Variants in RAD23B observed in about 807,000 individuals in gnomAD.
RAD23B encodes the protein RAD23 nucleotide excision repair protein B.
A neutral mutation model predicts 49.1 loss-of-function variants in RAD23B; 5 were observed. The ratio of observed to expected loss-of-function variants is 0.10; its 90% CI spans 0.05 to 0.21. The LOEUF (loss-of-function observed/expected upper bound fraction) is 0.21, where lower values mean the gene tolerates loss of function less well. Among genes scored for constraint, RAD23B ranks in the 10% least tolerant of loss-of-function variants. The probability of loss-of-function intolerance (pLI) is 1.00; values close to 1 mark genes in which losing one functional copy is unlikely to be tolerated. For synonymous variants in RAD23B, 184 were observed against 165.4 expected (o/e 1.11, Z -0.86); for missense variants, 356 against 486.7 (o/e 0.73, Z 2.53).
At chr9:107,292,251 C>T (rs1833397169) in intron 1 of RAD23B, among the ~76,000 whole-genome samples, 1 of 152,096 alleles carries the variant, frequency 6.6e-6, no homozygotes, top group Non-Finnish European at 1.5e-5. Flanking sequence ...GGGTGGTTTT[C>T]AGTTTTTAGT....
intron 1 of RAD23B, among the ~76,000 whole-genome samples, 171 bp from the exon 2 acceptor site, chr9:107,299,970 A>T (rs767414134): frequency 2.0e-5 from 3 of 152,174 alleles, no homozygotes; most frequent in Non-Finnish European, 2.9e-5. Flanking sequence ...AACTAGTAAT[A>T]TGAGTTAATG....
At chr9:107,302,155 G>A (rs1295921142) in intron 3 of RAD23B, 41 bp downstream of exon 3, 4 of 1,606,754 alleles carry the variant, frequency 2.5e-6, no homozygotes, top group South Asian at 1.1e-5. Context: ...ATGCATGTAG[G>A]TCTTTTTAAA....
At chr9:107,302,137 A>AT in intron 3 of RAD23B, 23 bp downstream of exon 3, 2 of 1,610,666 alleles carry the variant, frequency 1.2e-6, no homozygotes, top group Non-Finnish European at 1.7e-6. Flanking sequence ...CTCATTCTGT[A>AT]TATCTTTATG....
At position 107,303,561 on chromosome 9, in the gene RAD23B, G is replaced by A. The variant is rs73515794; in HGVS notation, c.228+1447G>A. On this transcript the variant is annotated intron_variant, in intron 3 of 9. Coordinates refer to ENST00000358015, the MANE Select transcript of RAD23B (RefSeq NM_002874.5). ...CAAACTTCCAGTTTAATCATTTTAA[G>A]TGTACAGTTCAATAACATTATAGTT... Among the ~76,000 whole-genome samples, 338 of 152,206 alleles carry A rather than the reference G, an allele frequency of 2.2e-3. 2 individuals are homozygous for A. The highest frequency in any genetic ancestry group is 7.7e-3 in the African/African-American group (320 of 41,534).
At chr9:107,286,868 C>T (rs935382677) in intron 1 of RAD23B, among the ~76,000 whole-genome samples, 9 of 151,804 alleles carry the variant, frequency 5.9e-5, no homozygotes, top group African/African-American at 1.2e-4. Context: ...GTCAGGAGAT[C>T]GAGACCATCC....
At position 107,300,033 on chromosome 9, in the gene RAD23B, A is replaced by G. The variant is rs1826615426; in HGVS notation, c.67-108A>G. On this transcript the variant is annotated intron_variant, in intron 1 of 9. Coordinates refer to ENST00000358015, the MANE Select transcript of RAD23B (RefSeq NM_002874.5). ...AAACATAATATTTGAGGTTTTGGAA[A>G]CATTAATAATTATGTATATAATTTT... 4.5e-6 allele frequency: 6 copies of G among 1,335,450 alleles called. No homozygotes were observed. In the South Asian group the frequency reaches 9.2e-5, roughly 21 times the overall value. The allele number at this position is 1,335,450 out of a possible 1,614,324, so 82.7% of individuals were successfully genotyped here.
chr9:107,309,485 G>A (rs1055546831), intron 4 of RAD23B, among the ~76,000 whole-genome samples: 14 of 152,188 alleles, frequency 9.2e-5, no homozygotes, highest in Admixed American at 2.6e-4. Context: ...ATGTGTAGAA[G>A]AAAAGAAGGC....
Position 107,302,845 on chromosome 9 carries a change from A to G in RAD23B, c.228+731A>G, listed in dbSNP as rs556432642. ...TAATTTTTTTGTATTTTTAGTAGAG[A>G]CAGGGTTTCACCGTGTTAGCCAGGA... On this transcript the variant is annotated intron_variant, in intron 3 of 9. Coordinates refer to ENST00000358015, the MANE Select transcript of RAD23B (RefSeq NM_002874.5). 3.3e-5 allele frequency among the ~76,000 whole-genome samples: 5 copies of G among 151,994 alleles called. 1 individual carries two copies. The highest frequency in any genetic ancestry group is 9.6e-5 in the African/African-American group (4 of 41,480).
rs1354224112 is a variant in RAD23B at position 107,302,813 on chromosome 9, G to A, written c.228+699G>A. On this transcript the variant is annotated intron_variant, in intron 3 of 9. Transcript: ENST00000358015. ...TGGGACTACAGGCGCATGCCACCAC[G>A]CCCGGCTAATTTTTTTGTATTTTTA... Among the ~76,000 whole-genome samples the A allele has an allele frequency of 1.1e-4, 16 of 152,020 alleles. No individual in the cohort carries two copies. In the East Asian group the frequency reaches 1.4e-3, roughly 13 times the overall value.
rs11573623 is a variant in RAD23B at position 107,289,562 on chromosome 9, A to G, written c.66+5867A>G. Among the ~76,000 whole-genome samples the G allele has an allele frequency of 9.8e-4, 149 of 152,190 alleles. 1 individual carries two copies. The highest frequency in any genetic ancestry group is 3.5e-3 in the African/African-American group (147 of 41,534). ...GGCAAGAGTGAAAAGCAGAGACATC[A>G]GTTAGGGGGCTTGTGCAGTAGTTTT... On this transcript the variant is annotated intron_variant, in intron 1 of 9. Transcript: ENST00000358015.
At chr9:107,288,041 A>G (rs530638116) in intron 1 of RAD23B, among the ~76,000 whole-genome samples, 16 of 152,314 alleles carry the variant, frequency 1.1e-4, no homozygotes, top group African/African-American at 3.1e-4. Flanking sequence ...TAAAAATACT[A>G]TATCACAGAG....
intron 1 of RAD23B, among the ~76,000 whole-genome samples, chr9:107,291,844 T>C (rs1391690415): frequency 1.3e-5 from 2 of 152,376 alleles, no homozygotes; most frequent in East Asian, 3.9e-4. Flanking sequence ...CAAAATTTAA[T>C]TGCTGCTATT....
chr9:107,297,706 CTT>C (rs370317056), intron 1 of RAD23B, among the ~76,000 whole-genome samples: 9,762 of 131,894 alleles, frequency 0.074, 366 homozygotes, highest in African/African-American at 0.11. Flanking sequence ...ACTAAAGGGC[CTT>C]TTTTTTTTTT....
At chr9:107,310,627 C>T (rs966340312) in intron 4 of RAD23B, among the ~76,000 whole-genome samples, 64 of 152,112 alleles carry the variant, frequency 4.2e-4, no homozygotes, top group African/African-American at 1.4e-3. Flanking sequence ...ATGTATTGTG[C>T]GTTTTGAAAT....
intron 1 of RAD23B, among the ~76,000 whole-genome samples, chr9:107,288,027 G>A (rs1163925452): frequency 6.6e-6 from 1 of 152,086 alleles, no homozygotes; most frequent in Non-Finnish European, 1.5e-5. Flanking sequence ...AGTAGTAAAT[G>A]TATTAAAAAT....
chr9:107,296,752 C>T (rs1826532502), intron 1 of RAD23B, among the ~76,000 whole-genome samples: 1 of 151,666 alleles, frequency 6.6e-6, no homozygotes, highest in South Asian at 2.1e-4. Context: ...CCAGGCTGGC[C>T]TTGAGCTCCT....
At chr9:107,317,484 T>A (rs1176622806) in intron 5 of RAD23B, among the ~76,000 whole-genome samples, 1 of 152,090 alleles carries the variant, frequency 6.6e-6, no homozygotes, top group Non-Finnish European at 1.5e-5. Flanking sequence ...GGACACATGT[T>A]CAATAGCTAT....
chr9:107,294,703 A>C (rs11573639), intron 1 of RAD23B, among the ~76,000 whole-genome samples: 1,565 of 152,372 alleles, frequency 0.01, 26 homozygotes, highest in African/African-American at 0.034. Flanking sequence ...CCTCTAGGAC[A>C]TCCCGTGAAG....
chr9:107,298,682 T>TTATTAA (rs1826584959), intron 1 of RAD23B, among the ~76,000 whole-genome samples: 2 of 151,222 alleles, frequency 1.3e-5, no homozygotes, highest in African/African-American at 4.8e-5. Context: ...AAAACAAACT[T>TTATTAA]TATTAATGTT....
Sources: gnomAD v4.1 joint callset for allele counts (sites outside exome capture counted in the v4.1 genomes callset) on GRCh38, gnomAD v4.1.1 for gene constraint, MANE v1.5 for transcripts, NCBI Gene and HGNC (gene_info 2026-07-23, HGNC 2026-07-21) for gene names.